Variants in MAS1 observed in about 807,000 individuals in gnomAD.
MAS1 encodes MAS1 proto-oncogene, G protein-coupled receptor.
For missense variants in MAS1, 387 were observed against 409.7 expected (o/e 0.94, Z 0.48); for synonymous variants, 163 against 164.2 (o/e 0.99, Z 0.05).
In MAS1 at chr6:159,910,949, G is replaced by A. The variant is rs1782958328; in HGVS notation, c.*3016G>A. On this transcript the variant is annotated 3_prime_UTR_variant, in exon 3 of 3. Transcript: ENST00000674077. ...CCTTTTGTGGCATTTAATACCCACA[G>A]TCTTCCTGAAATTATCTCTTTTCTT... 6.6e-6 allele frequency: 1 copy of A among 152,212 alleles called. No homozygotes were observed. Among genetic ancestry groups the A allele is most frequent in the African/African-American group, 2.4e-5 (1 of 41,440 alleles). 9.4% of individuals were successfully genotyped at this position (152,212 alleles called of 1,614,324 possible).
rs189497980 is a variant in MAS1, at chr6:159,898,932, A to T, written c.-243-254A>T. Among the ~76,000 whole-genome samples, 532 of 152,286 alleles carry T rather than the reference A, an allele frequency of 3.5e-3. 2 individuals carry two copies. The highest frequency in any genetic ancestry group is 0.011 in the African/African-American group (450 of 41,562). On this transcript the variant is annotated intron_variant, in intron 1 of 2. Transcript: ENST00000674077. ...TTTCTGGGCACTACAGCCCTGCAGGACCCAGGGAGCACCAGACACACTGGA... is the reference window on the plus strand; with the variant it reads ...TTTCTGGGCACTACAGCCCTGCAGGTCCCAGGGAGCACCAGACACACTGGA...
rs1782988620 is a variant in MAS1 at position 159,913,568 on chromosome 6, G to A, written c.*5635G>A. ...ATCGAGGTGGTACACTCACAAGGCT[G>A]GTCATTTCCTGGGGCTCAGCTGGAA... On this transcript the variant is annotated 3_prime_UTR_variant, in exon 3 of 3. Coordinates refer to ENST00000674077, the MANE Select transcript of MAS1 (RefSeq NM_002377.4). The A allele has an allele frequency of 6.6e-6, 1 of 152,098 alleles. No homozygotes were observed. The highest frequency in any genetic ancestry group is 1.9e-4 in the East Asian group (1 of 5,188). 9.4% of individuals were successfully genotyped at this position (152,098 alleles called of 1,614,324 possible).
At chr6:159,890,404 A>G (rs923149712), upstream of MAS1, among the ~76,000 whole-genome samples, 1 of 152,132 alleles carries the variant, frequency 6.6e-6, no homozygotes, top group Non-Finnish European at 1.5e-5. Flanking sequence ...CAGTCTGGGC[A>G]TGGCCAATGG....
At position 159,916,626 on chromosome 6, in the gene MAS1, C is replaced by T. The variant is rs944538504; in HGVS notation, c.*8693C>T. The T allele has an allele frequency of 6.6e-6, 1 of 152,162 alleles. No homozygotes were observed. The highest frequency in any genetic ancestry group is 2.4e-5 in the African/African-American group (1 of 41,430). The allele number at this position is 152,162 out of a possible 1,614,324, so 9.4% of individuals were successfully genotyped here. On this transcript the variant is annotated 3_prime_UTR_variant, in exon 3 of 3. Coordinates refer to ENST00000674077, the MANE Select transcript of MAS1 (RefSeq NM_002377.4). ...ATACTTGGGTGATGAAGGATGAAGA[C>T]AAACCTCCTCTTCATCTTCACTCCA...
Position 159,911,531 on chromosome 6 carries a change from G to A in MAS1, c.*3598G>A, listed in dbSNP as rs138353321. Reference sequence around the variant, plus strand: ...TATTCTTTTTTCAGTGAAGTACACCGCTGGTCACCCTGTCCCCCTTGCTAT... The same window carrying A: ...TATTCTTTTTTCAGTGAAGTACACCACTGGTCACCCTGTCCCCCTTGCTAT... On this transcript the variant is annotated 3_prime_UTR_variant, in exon 3 of 3. Transcript: ENST00000674077. 3.4e-3 allele frequency: 523 copies of A among 151,980 alleles called. 6 individuals carry two copies. The highest frequency in any genetic ancestry group is 0.011 in the African/African-American group (463 of 41,276). 9.4% of individuals were successfully genotyped at this position (151,980 alleles called of 1,614,324 possible).
intron 1 of MAS1, among the ~76,000 whole-genome samples, chr6:159,894,079 C>A (rs1408965927): frequency 2.0e-5 from 3 of 151,982 alleles, no homozygotes; most frequent in African/African-American, 7.2e-5. Context: ...ATGGGTCTGA[C>A]ATGCTGGGGA....
rs555272262 is a variant in MAS1, at chr6:159,892,842, T to C, written c.-244+1709T>C. On this transcript the variant is annotated intron_variant, in intron 1 of 2. Transcript: ENST00000674077. ...CAGTTTGGCATTTCCATGAGACTCA[T>C]ATTGGCAAAGTGCTGTTCAATCTCT... 4.6e-5 allele frequency among the ~76,000 whole-genome samples: 7 copies of C among 152,332 alleles called. No individual in the cohort carries two copies. The East Asian group carries it at 1.4e-3, about 29-fold the overall frequency.
At chr6:159,897,817 C>T (rs925348355) in intron 1 of MAS1, among the ~76,000 whole-genome samples, 12 of 151,808 alleles carry the variant, frequency 7.9e-5, no homozygotes, top group African/African-American at 2.7e-4. Flanking sequence ...TCAGTCCCTG[C>T]GGACTGCTTC....
Position 159,898,557 on chromosome 6 carries a change from C to G in MAS1, c.-243-629C>G, listed in dbSNP as rs113590275. Among the ~76,000 whole-genome samples, 4 of 50,084 alleles carry G rather than the reference C, an allele frequency of 8.0e-5. No homozygotes were observed. In the East Asian group the frequency reaches 1.9e-3, roughly 24 times the overall value. The allele number at this position is 50,084 out of a possible 152,430, so 32.9% of individuals were successfully genotyped here. A position where few individuals can be genotyped will look rare whatever the true frequency, so the allele number is the denominator to read the frequency against. ...CCTCCCTCCTCCTCCCTCCTCCTGC[C>G]TCTTCCTCCTCCTACCTCCTCTTCC... On this transcript the variant is annotated intron_variant, in intron 1 of 2. Transcript: ENST00000674077.
intron 1 of MAS1, among the ~76,000 whole-genome samples, chr6:159,896,859 TTTG>T (rs1409879823): frequency 1.2e-5 from 1 of 81,096 alleles, no homozygotes; most frequent in African/African-American, 4.0e-5. Flanking sequence ...ACTGGGTTTT[TTTG>T]TTTGTTTGTT....
In MAS1 at chr6:159,915,196, A is replaced by T. The variant is rs1783008479; in HGVS notation, c.*7263A>T. On this transcript the variant is annotated 3_prime_UTR_variant, in exon 3 of 3. Coordinates refer to ENST00000674077, the MANE Select transcript of MAS1 (RefSeq NM_002377.4). ...GACTGATGAGTTTTGAGCAACGTATACAAAGAAACATTGTTCTCAAAGGAA... is the reference window on the plus strand; with the variant it reads ...GACTGATGAGTTTTGAGCAACGTATTCAAAGAAACATTGTTCTCAAAGGAA... The T allele has an allele frequency of 6.6e-6, 1 of 152,230 alleles. No homozygotes were observed. Among genetic ancestry groups the T allele is most frequent in the Admixed American group, 6.5e-5 (1 of 15,278 alleles). The allele number at this position is 152,230 out of a possible 1,614,324, so 9.4% of individuals were successfully genotyped here. A position where few individuals can be genotyped will look rare whatever the true frequency, so the allele number is the denominator to read the frequency against.
chr6:159,916,338 G>C lies in MAS1; in HGVS notation c.*8405G>C, dbSNP rs535915934. ...GTAGAATGGTGGTGGCCGGGGGCTG[G>C]AGGGAGGAGGGAGTGGGGAGTTAGT... On this transcript the variant is annotated 3_prime_UTR_variant, in exon 3 of 3. Transcript: ENST00000674077. 1 of 152,314 alleles carries C rather than the reference G, an allele frequency of 6.6e-6. No homozygotes were observed. Among genetic ancestry groups the C allele is most frequent in the African/African-American group, 2.4e-5 (1 of 41,554 alleles). The allele number at this position is 152,314 out of a possible 1,614,324, so 9.4% of individuals were successfully genotyped here.
Position 159,907,852 on chromosome 6 carries a change from G to A in MAS1, c.897G>A (p.Leu299=). 6.2e-7 allele frequency: 1 copy of A among 1,611,798 alleles called. No individual in the cohort carries two copies. The highest frequency in any genetic ancestry group is 8.5e-7 in the Non-Finnish European group (1 of 1,179,680). ...TCAAGGAGTCCTTAAAAGTTGTTCT[G>A]ACCAGGGCTTTCAAAGATGAAATGC... ...KRFKESLKVV[L]TRAFKDEMQP... The change falls in exon 3 of 3, where the codon CTG becomes CTA. Residue 299 remains leucine (L), a synonymous_variant. Transcript: ENST00000674077.
chr6:159,895,253 G>T (rs186198259), intron 1 of MAS1, among the ~76,000 whole-genome samples: 67 of 152,296 alleles, frequency 4.4e-4, no homozygotes, highest in Non-Finnish European at 6.6e-4. Context: ...AGGCTCTGCT[G>T]CTGCCTTTGT....
Position 159,914,894 on chromosome 6 carries a change from T to C in MAS1, c.*6961T>C, listed in dbSNP as rs1490028911. On this transcript the variant is annotated 3_prime_UTR_variant, in exon 3 of 3. Transcript: ENST00000674077. ...CTTGGAAACCATGGATCTAGAGACA[T>C]TCTCTGAGTGACACTATGCCAGCTG... 1 of 152,224 alleles carries C rather than the reference T, an allele frequency of 6.6e-6. No individual in the cohort carries two copies. The highest frequency in any genetic ancestry group is 1.9e-4 in the East Asian group (1 of 5,198). 9.4% of individuals were successfully genotyped at this position (152,224 alleles called of 1,614,324 possible).
chr6:159,889,715 C>T (rs1562307604), upstream of MAS1, among the ~76,000 whole-genome samples: 1 of 152,228 alleles, frequency 6.6e-6, no homozygotes, highest in Non-Finnish European at 1.5e-5. Flanking sequence ...GTAATGAGAA[C>T]ACCTTTCCAA....
chr6:159,892,103 T>C (rs1782706165), intron 1 of MAS1, among the ~76,000 whole-genome samples: 1 of 152,062 alleles, frequency 6.6e-6, no homozygotes, highest in African/African-American at 2.4e-5. Flanking sequence ...GATCCTGTGG[T>C]ATGTTTGGAA....
chr6:159,910,981 T>C lies in MAS1; in HGVS notation c.*3048T>C, dbSNP rs1334837148. 2 of 152,276 alleles carry C rather than the reference T, an allele frequency of 1.3e-5. No homozygotes were observed. Among genetic ancestry groups the C allele is most frequent in the Non-Finnish European group, 2.9e-5 (2 of 68,048 alleles). 9.4% of individuals were successfully genotyped at this position (152,276 alleles called of 1,614,324 possible). ...TGAAATTATCTCTTTTCTTGGATTC[T>C]AGTTTGCTACATTTTTCTCCAGCTC... is the stretch of plus-strand genomic sequence containing the variant. On this transcript the variant is annotated 3_prime_UTR_variant, in exon 3 of 3. Coordinates refer to ENST00000674077, the MANE Select transcript of MAS1 (RefSeq NM_002377.4).
chr6:159,916,847 T>C lies in MAS1; in HGVS notation c.*8914T>C, dbSNP rs1783032862. On this transcript the variant is annotated 3_prime_UTR_variant, in exon 3 of 3. Transcript: ENST00000674077. Reference sequence around the variant, plus strand: ...TGCTGCAATGACAACTCTGTGGGTGTGTGAAAGCAGACACTGCTTAGATGA... The same window carrying C: ...TGCTGCAATGACAACTCTGTGGGTGCGTGAAAGCAGACACTGCTTAGATGA... Among the ~76,000 whole-genome samples the C allele has an allele frequency of 6.6e-6, 1 of 152,252 alleles. No homozygotes were observed. Among genetic ancestry groups the C allele is most frequent in the Non-Finnish European group, 1.5e-5 (1 of 68,046 alleles).
Sources: gnomAD v4.1 joint callset for allele counts (sites outside exome capture counted in the v4.1 genomes callset) on GRCh38, gnomAD v4.1.1 for gene constraint, MANE v1.5 for transcripts, NCBI Gene and HGNC (gene_info 2026-07-23, HGNC 2026-07-21) for gene names.